The following NKD1 variants were observed in gnomAD, a reference collection of about 807,000 sequenced individuals.
NKD1 encodes protein naked cuticle homolog 1.
A neutral mutation model predicts 56.0 loss-of-function variants in NKD1; 21 were observed. That is an observed-to-expected ratio of 0.38 (90% CI 0.27 to 0.54). The LOEUF is 0.54. Ranked by LOEUF, NKD1 falls within the 20% of genes least tolerant of loss-of-function variation. NKD1 has a pLI of 0.82. For missense variants in NKD1, 578 were observed against 642.7 expected (o/e 0.90, Z 1.09); for synonymous variants, 263 against 265.7 (o/e 0.99, Z 0.10).
At position 50,639,758 on chromosome 16, in the gene NKD1, C is replaced by A. The variant is rs1962543770; in HGVS notation, c.*5977C>A. ...CGAAAGATGGCCACATTTAGTGAGA[C>A]CCCTAAGGTCCTCCAACTAGGGTGG... is the stretch of plus-strand genomic sequence containing the variant. On this transcript the variant is annotated 3_prime_UTR_variant, in exon 10 of 10. Coordinates refer to ENST00000268459, the MANE Select transcript of NKD1 (RefSeq NM_033119.5). The A allele has an allele frequency of 6.6e-6, 1 of 152,278 alleles. No individual in the cohort carries two copies. The highest frequency in any genetic ancestry group is 2.4e-5 in the African/African-American group (1 of 41,462). 9.4% of individuals were successfully genotyped at this position (152,278 alleles called of 1,614,324 possible).
At chr16:50,588,767 C>G (rs541706273) in intron 3 of NKD1, among the ~76,000 whole-genome samples, 1 of 151,954 alleles carries the variant, frequency 6.6e-6, no homozygotes, top group South Asian at 2.1e-4. Context: ...TCATGCCCGG[C>G]TAATTTTTGT....
At chr16:50,626,256 A>G (rs1962211930) in intron 6 of NKD1, among the ~76,000 whole-genome samples, 1 of 152,218 alleles carries the variant, frequency 6.6e-6, no homozygotes, top group African/African-American at 2.4e-5. Flanking sequence ...GGTGCTAGGT[A>G]CTAGGCATGA....
At chr16:50,605,040 A>T (rs551903568) in intron 3 of NKD1, among the ~76,000 whole-genome samples, 4 of 152,242 alleles carry the variant, frequency 2.6e-5, no homozygotes, top group Non-Finnish European at 4.4e-5. Context: ...CCATGCCCAC[A>T]GGAGCCCTGG....
rs781718984 is a variant in NKD1, at chr16:50,633,382, C to T, written c.1014C>T (p.Thr338=). Reference sequence around the variant, plus strand: ...AGCTCCAGCAACGGCTCCGGGGCACCCAGGACGGGAGCAAGCACTTTGTGA... The same window carrying T: ...AGCTCCAGCAACGGCTCCGGGGCACTCAGGACGGGAGCAAGCACTTTGTGA... ...VSELQQRLRG[T]QDGSKHFVRS... is the part of the protein sequence containing the mutation. The change falls in exon 10 of 10, where the codon ACC becomes ACT. Residue 338 remains threonine (T), a synonymous_variant. Transcript: ENST00000268459. The surrounding 1 kb of genome is among the most constrained non-coding windows in gnomAD (Gnocchi z 4.9). 5.6e-6 allele frequency: 9 copies of T among 1,613,964 alleles called. No individual in the cohort carries two copies. The highest frequency in any genetic ancestry group is 7.6e-6 in the Non-Finnish European group (9 of 1,179,978).
In NKD1 at chr16:50,609,237, T is replaced by C. The variant is rs567331257; in HGVS notation, c.259+877T>C. 6.2e-4 allele frequency among the ~76,000 whole-genome samples: 95 copies of C among 152,388 alleles called. 1 individual carries two copies. The highest frequency in any genetic ancestry group is 2.2e-3 in the African/African-American group (92 of 41,600). ...TGGTTTGACTTTGGGCAGGCCACCC[T>C]ACCTTTCTGAGCCTCAGCTTCCACA... On this transcript the variant is annotated intron_variant, in intron 4 of 9. Transcript: ENST00000268459.
intron 3 of NKD1, among the ~76,000 whole-genome samples, chr16:50,580,780 G>A (rs1051087639): frequency 6.6e-6 from 1 of 152,214 alleles, no homozygotes. Context: ...TATTCAAGTG[G>A]AGCTGAATGT....
At position 50,633,795 on chromosome 16, in the gene NKD1, G is replaced by GGGA; in HGVS notation, c.*15_*16insGAG. On this transcript the variant is annotated 3_prime_UTR_variant, in exon 10 of 10. Coordinates refer to ENST00000268459, the MANE Select transcript of NKD1 (RefSeq NM_033119.5). The surrounding 1 kb of genome is among the most constrained non-coding windows in gnomAD (Gnocchi z 4.9). ...TACCAGACATAGAGCCCCTCCCCAG[G>GGGA]GCCCCACCCTGCCATATGAAGGACC... 7.2e-7 allele frequency: 1 copy of GGGA among 1,392,124 alleles called. No homozygotes were observed. The highest frequency in any genetic ancestry group is 2.6e-5 in the East Asian group (1 of 38,326). 86.2% of individuals were successfully genotyped at this position (1,392,124 alleles called of 1,614,324 possible).
At chr16:50,565,843 A>G (rs923760261) in intron 3 of NKD1, among the ~76,000 whole-genome samples, 1 of 152,164 alleles carries the variant, frequency 6.6e-6, no homozygotes, top group African/African-American at 2.4e-5. Context: ...GTATAATCTT[A>G]TTGTTCTTCA....
In NKD1 at chr16:50,608,286, T is replaced by C; in HGVS notation, c.193-8T>C. 1 of 1,610,128 alleles carries C rather than the reference T, an allele frequency of 6.2e-7. No individual in the cohort carries two copies. The highest frequency in any genetic ancestry group is 1.1e-5 in the South Asian group (1 of 90,990). ...CCTGCTCAATGCCTCTGCTCTGTCT[T>C]CTTGTAGGAGCTCGTGGGCGACGTG... On this transcript the variant is annotated splice_region_variant and splice_polypyrimidine_tract_variant and intron_variant, in intron 3 of 9. Coordinates refer to ENST00000268459, the MANE Select transcript of NKD1 (RefSeq NM_033119.5).
chr16:50,634,383 GC>G lies in NKD1; in HGVS notation c.*605del, dbSNP rs1361960559. ...TTTCATGCTTTTCCAGTGGGATCAA[GC>G]CCTTTTCCCCAAGAGTCCCATCTCT... On this transcript the variant is annotated 3_prime_UTR_variant, in exon 10 of 10. Transcript: ENST00000268459. 1 of 152,582 alleles carries G rather than the reference GC, an allele frequency of 6.6e-6. No homozygotes were observed. Among genetic ancestry groups the G allele is most frequent in the East Asian group, 1.9e-4 (1 of 5,340 alleles). 9.5% of individuals were successfully genotyped at this position (152,582 alleles called of 1,614,324 possible).
At chr16:50,596,310 A>T (rs1164807870) in intron 3 of NKD1, among the ~76,000 whole-genome samples, 1 of 152,204 alleles carries the variant, frequency 6.6e-6, no homozygotes, top group Non-Finnish European at 1.5e-5. Context: ...AGACCCTTTT[A>T]GCAGACTTCT....
intron 3 of NKD1, among the ~76,000 whole-genome samples, chr16:50,604,505 T>C (rs1295983797): frequency 1.3e-5 from 2 of 152,224 alleles, no homozygotes; most frequent in Non-Finnish European, 2.9e-5. Context: ...CCACTCATGC[T>C]TTCAGCTGCC....
At chr16:50,626,480 T>C (rs1747919167) in intron 6 of NKD1, among the ~76,000 whole-genome samples, 1 of 151,986 alleles carries the variant, frequency 6.6e-6, no homozygotes, top group Non-Finnish European at 1.5e-5. Flanking sequence ...GCAAGGGAGC[T>C]GAGACATGCA....
intron 6 of NKD1, 29 bp downstream of exon 6, chr16:50,625,609 T>G (rs1962192599): frequency 1.4e-6 from 2 of 1,435,498 alleles, no homozygotes; most frequent in African/African-American, 2.8e-5. Flanking sequence ...CCTCTTGCCG[T>G]GTATCATACC....
At chr16:50,566,099 G>T in intron 3 of NKD1, 1 of 952,582 alleles carries the variant, frequency 1.0e-6, no homozygotes, top group Non-Finnish European at 1.2e-6. Context: ...CTACAAAATC[G>T]AGGAGGAAAG....
At chr16:50,569,707 C>A (rs1960840123) in intron 3 of NKD1, among the ~76,000 whole-genome samples, 1 of 152,192 alleles carries the variant, frequency 6.6e-6, no homozygotes, top group African/African-American at 2.4e-5. Flanking sequence ...TATTTCACTC[C>A]TCTCCTCCCA....
intron 3 of NKD1, among the ~76,000 whole-genome samples, chr16:50,586,975 C>A (rs1961244058): frequency 6.6e-6 from 1 of 152,230 alleles, no homozygotes. Context: ...TCTTCCATCC[C>A]ATCTCTCAGG....
At chr16:50,587,220 T>C (rs1961249086) in intron 3 of NKD1, among the ~76,000 whole-genome samples, 1 of 152,220 alleles carries the variant, frequency 6.6e-6, no homozygotes, top group African/African-American at 2.4e-5. Context: ...GATGCAAAAA[T>C]GCAGATTCTG....
At chr16:50,565,895 A>C (rs1327956794) in intron 3 of NKD1, among the ~76,000 whole-genome samples, 4 of 152,188 alleles carry the variant, frequency 2.6e-5, no homozygotes, top group South Asian at 4.1e-4. Flanking sequence ...CCATCATTGC[A>C]TTGATTCCTT....
Sources: allele counts gnomAD v4.1 joint callset (sites outside exome capture counted in the v4.1 genomes callset), GRCh38; gene constraint gnomAD v4.1.1; non-coding constraint Gnocchi (gnomAD v3.1); transcripts MANE v1.5; gene names NCBI Gene and HGNC (gene_info 2026-07-23, HGNC 2026-07-21).